GAREM2: variants seen among roughly 807,000 people sequenced by gnomAD.
GAREM2 encodes GRB2 associated regulator of MAPK1 subtype 2, also known as GRB2-associated and regulator of MAPK protein 2.
GAREM2 carries 30 observed loss-of-function variants against 55.6 expected under a neutral mutation model. The observed-to-expected ratio is 0.54, with a 90% CI of 0.40 to 0.73. The LOEUF (loss-of-function observed/expected upper bound fraction) is 0.73. GAREM2 is among the 30% of genes least tolerant of loss of function. GAREM2 has a pLI of 0.00. For missense variants in GAREM2, 1,075 were observed against 1,257.7 expected (o/e 0.85, Z 2.20); for synonymous variants, 550 against 569.1 (o/e 0.97, Z 0.48).
At chr2:26,199,248 G>C in the GAREM2 span, 2 of 152,374 alleles carry the variant, frequency 1.3e-5, no homozygotes, top group Non-Finnish European at 2.9e-5. Flanking sequence ...CATACCCATA[G>C]TCCTAGTTAC....
At chr2:26,182,236 G>A in intron 2 of GAREM2, 4 of 1,417,130 alleles carry the variant, frequency 2.8e-6, no homozygotes, top group East Asian at 2.6e-5. Context: ...CTAGGGGCAT[G>A]TGCTGAGCTT....
chr2:26,197,180 G>T, the GAREM2 span, among the ~76,000 whole-genome samples: 1 of 152,128 alleles, frequency 6.6e-6, no homozygotes, highest in African/African-American at 2.4e-5. Flanking sequence ...TAATTACTCT[G>T]GTTGAGAGCA....
the GAREM2 span, among the ~76,000 whole-genome samples, chr2:26,197,347 C>A: frequency 4.6e-5 from 7 of 152,214 alleles, no homozygotes; most frequent in Non-Finnish European, 7.3e-5. Context: ...CAAACCTGTT[C>A]TAAACAGTCA....
In GAREM2 at chr2:26,173,308, C is replaced by T; in HGVS notation, c.88C>T (p.Pro30Ser). ...LDLIVSRCRL[P>S]TLACLGPGEY... ...CCTCATCGTCAGCCGCTGCCGCCTG[C>T]CCACGCTCGCCTGCCTTGGGCCAGG... is the stretch of plus-strand genomic sequence containing the variant. Residue 30 changes from proline to serine, a missense_variant, in exon 1 of 6, where the codon CCC becomes TCC. Pro to Ser is a moderately conservative substitution (Grantham distance 74). Coordinates refer to ENST00000401533, the MANE Select transcript of GAREM2 (RefSeq NM_001168241.2). The T allele has an allele frequency of 7.0e-7, 1 of 1,422,358 alleles. No individual in the cohort carries two copies. The allele number at this position is 1,422,358 out of a possible 1,614,324, so 88.1% of individuals were successfully genotyped here.
Position 26,173,211 on chromosome 2 carries a change from C to A in GAREM2, c.-10C>A. ...GGGCCCCGGGACGGCGGCCCCGGGG[C>A]GCCCATGCCATGGAGAAGCTGGCGG... is the stretch of plus-strand genomic sequence containing the variant. On this transcript the variant is annotated 5_prime_UTR_variant, in exon 1 of 6. Transcript: ENST00000401533. The A allele has an allele frequency of 2.4e-6, 3 of 1,236,022 alleles. No homozygotes were observed. Among genetic ancestry groups the A allele is most frequent in the Non-Finnish European group, 3.1e-6 (3 of 975,392 alleles). The allele number at this position is 1,236,022 out of a possible 1,614,324, so 76.6% of individuals were successfully genotyped here. A position where few individuals can be genotyped will look rare whatever the true frequency, so the allele number is the denominator to read the frequency against.
At chr2:26,198,089 C>T in the GAREM2 span, among the ~76,000 whole-genome samples, 20 of 152,294 alleles carry the variant, frequency 1.3e-4, no homozygotes, top group South Asian at 2.1e-4. Flanking sequence ...ACTGAAAAGA[C>T]GGCCTTGAAT....
chr2:26,186,802 T>G (rs951969811), intron 5 of GAREM2, among the ~76,000 whole-genome samples: 3 of 152,084 alleles, frequency 2.0e-5, no homozygotes, highest in Non-Finnish European at 2.9e-5. Flanking sequence ...ATGGCGAAAC[T>G]CCATGTCTTC....
chr2:26,182,439 T>C, intron 2 of GAREM2: 3 of 1,550,454 alleles, frequency 1.9e-6, no homozygotes, highest in Non-Finnish European at 2.6e-6. Flanking sequence ...GTTGGCCCAG[T>C]GCCACCTCCA....
the GAREM2 span, chr2:26,197,925 C>A: frequency 1.4e-6 from 1 of 706,138 alleles, no homozygotes; most frequent in Non-Finnish European, 2.6e-6. Context: ...CAGACATTGA[C>A]GGATCACCTA....
intron 5 of GAREM2, 116 bp from the exon 6 acceptor site, chr2:26,187,115 T>A: frequency 7.7e-7 from 1 of 1,299,274 alleles, no homozygotes; most frequent in Non-Finnish European, 9.7e-7. Context: ...GGGGCTGGGG[T>A]GCAGGCCCGT....
chr2:26,187,883 C>T lies in GAREM2; in HGVS notation c.2251C>T (p.His751Tyr), dbSNP rs1441564354. The change falls in exon 6 of 6, where the codon CAC becomes TAC. Residue 751 changes from histidine to tyrosine, a missense_variant. His to Tyr is a moderately conservative substitution (Grantham distance 83). Around this residue, in one of 6 missense-constraint regions of GAREM2, gnomAD observed 142 missense variants for 172.3 expected, o/e 0.82. Coordinates refer to ENST00000401533, the MANE Select transcript of GAREM2 (RefSeq NM_001168241.2). ...KAFEPEGLVLHQVPTPLSPAA... is the reference protein window; with the variant it reads ...KAFEPEGLVLYQVPTPLSPAA... ...CTTTGAGCCTGAAGGTTTGGTGCTG[C>T]ACCAGGTCCCCACCCCACTGTCACC... The T allele has an allele frequency of 9.0e-6, 13 of 1,439,092 alleles. No individual in the cohort carries two copies. Among genetic ancestry groups the T allele is most frequent in the Non-Finnish European group, 1.1e-5 (12 of 1,091,296 alleles). The allele number at this position is 1,439,092 out of a possible 1,614,324, so 89.1% of individuals were successfully genotyped here. A position where few individuals can be genotyped will look rare whatever the true frequency, so the allele number is the denominator to read the frequency against.
At chr2:26,178,878 G>C (rs1269878758) in intron 2 of GAREM2, among the ~76,000 whole-genome samples, 1 of 151,870 alleles carries the variant, frequency 6.6e-6, no homozygotes, top group African/African-American at 2.4e-5. Context: ...GCCCGCACGG[G>C]GGAGGGGAGG....
chr2:26,203,987 C>T, the GAREM2 span: 3 of 1,451,240 alleles, frequency 2.1e-6, no homozygotes, highest in East Asian at 2.3e-5. Flanking sequence ...AAAAACCCAC[C>T]AAGCCACCAC....
Position 26,184,278 on chromosome 2 carries a change from A to G in GAREM2, c.430A>G (p.Thr144Ala), listed in dbSNP as rs1348171656. ...CGAGGACAGCGAGGTGTACAACTTCACGCTGCATGCGGGCGACGAGCTCAC... is the reference window on the plus strand; with the variant it reads ...CGAGGACAGCGAGGTGTACAACTTCGCGCTGCATGCGGGCGACGAGCTCAC... ...FSEDSEVYNF[T>A]LHAGDELTLM... The change falls in exon 4 of 6, where the codon ACG becomes GCG. Residue 144 changes from threonine to alanine, a missense_variant. By Grantham distance (58) the Thr-to-Ala change is moderately conservative (BLOSUM62 0). Transcript: ENST00000401533. 1.3e-6 allele frequency: 2 copies of G among 1,550,936 alleles called. No individual in the cohort carries two copies. The highest frequency in any genetic ancestry group is 1.7e-6 in the Non-Finnish European group (2 of 1,146,828).
chr2:26,191,738 C>T (rs557453199), downstream of GAREM2: 39 of 1,113,320 alleles, frequency 3.5e-5, no homozygotes, highest in African/African-American at 9.2e-5. Flanking sequence ...CTCTGTGGGC[C>T]GGTTGGTGCT....
At chr2:26,186,596 C>T (rs189091672) in intron 5 of GAREM2, among the ~76,000 whole-genome samples, 22 of 152,340 alleles carry the variant, frequency 1.4e-4, no homozygotes, top group Admixed American at 6.5e-4. Flanking sequence ...TGTTGAGGAA[C>T]GGATGGGAGC....
downstream of GAREM2, among the ~76,000 whole-genome samples, chr2:26,193,125 C>T (rs993715261): frequency 6.6e-6 from 1 of 151,758 alleles, no homozygotes; most frequent in East Asian, 1.9e-4. Flanking sequence ...TGGTAAAGCC[C>T]GGATGCAGAG....
the GAREM2 span, among the ~76,000 whole-genome samples, chr2:26,195,960 A>G: frequency 6.6e-6 from 1 of 152,328 alleles, no homozygotes; most frequent in African/African-American, 2.4e-5. Context: ...TCCCAACAGA[A>G]CTGTGGTGAA....
chr2:26,193,987 A>C (rs527574991), downstream of GAREM2, among the ~76,000 whole-genome samples: 1 of 152,324 alleles, frequency 6.6e-6, no homozygotes, highest in African/African-American at 2.4e-5. Context: ...ACAGCACTTT[A>C]AGGACGTTTA....
Sources: gnomAD v4.1 joint callset for allele counts (sites outside exome capture counted in the v4.1 genomes callset) on GRCh38, gnomAD v4.1.1 for gene constraint, gnomAD v4.1.1 regional missense constraint, MANE v1.5 for transcripts, NCBI Gene and HGNC (gene_info 2026-07-23, HGNC 2026-07-21) for gene names.